KIF26B: variants seen among roughly 807,000 people sequenced by gnomAD.
KIF26B encodes kinesin family member 26B.
Under a neutral mutation model 151.2 loss-of-function variants are expected in KIF26B, and 63 were observed. The observed-to-expected ratio is 0.42, with a 90% CI of 0.34 to 0.51. The LOEUF is 0.51. Ranked by LOEUF, KIF26B falls within the 20% of genes least tolerant of loss-of-function variation. KIF26B has a pLI of 0.07. For missense variants in KIF26B, 2,813 were observed against 2,913.6 expected, an observed-to-expected ratio of 0.97 and a Z score of 0.79; for synonymous variants, 1,357 against 1,262.1, an observed-to-expected ratio of 1.08 and a Z score of -1.59.
intron 2 of KIF26B, among the ~76,000 whole-genome samples, chr1:245,198,628 A>G (rs1369180090): frequency 1.3e-5 from 2 of 151,918 alleles, no homozygotes; most frequent in Non-Finnish European, 2.9e-5. Flanking sequence ...AGGCTGAGGC[A>G]GGAGAATCGC....
intron 3 of KIF26B, among the ~76,000 whole-genome samples, chr1:245,377,793 A>T (rs1456860070): frequency 6.6e-6 from 1 of 152,050 alleles, no homozygotes; most frequent in Non-Finnish European, 1.5e-5. Flanking sequence ...ATTCTCATTC[A>T]TGTTCTTTGC....
At chr1:245,652,147 A>T (rs10924278) in intron 10 of KIF26B, among the ~76,000 whole-genome samples, 1,632 of 94,170 alleles carry the variant, frequency 0.017, 8 homozygotes, top group African/African-American at 0.036. Context: ...TGTGTGTGTG[A>T]GAGAGACATA....
At chr1:245,369,452 T>C (rs992296007) in intron 3 of KIF26B, among the ~76,000 whole-genome samples, 2 of 152,218 alleles carry the variant, frequency 1.3e-5, no homozygotes, top group African/African-American at 4.8e-5. Context: ...GTGGGAAACG[T>C]TGATCATTAT....
chr1:245,678,778 G>A (rs1446228098), intron 10 of KIF26B, among the ~76,000 whole-genome samples: 3 of 151,930 alleles, frequency 2.0e-5, no homozygotes, highest in African/African-American at 2.4e-5. Flanking sequence ...CAGGGGAATC[G>A]CTTGAACCCA....
In KIF26B at chr1:245,488,597, C is replaced by T. The variant is rs972868287; in HGVS notation, c.1167-52170C>T. Among the ~76,000 whole-genome samples the T allele has an allele frequency of 1.3e-5, 2 of 152,158 alleles. No homozygotes were observed. The highest frequency in any genetic ancestry group is 2.1e-4 in the South Asian group (1 of 4,820). On this transcript the variant is annotated intron_variant, in intron 4 of 14. Transcript: ENST00000407071. This position sits in a 1 kb window ranked among gnomAD's most constrained non-coding sequence, Gnocchi z 4.6. The stretch of plus-strand genomic sequence containing the variant: ...TCCACATCCATCCCTGGAATTAGAT[C>T]GGAGCCACAGATGCTATCACTCCTC...
intron 3 of KIF26B, among the ~76,000 whole-genome samples, chr1:245,391,849 A>G (rs1486618424): frequency 6.6e-6 from 1 of 152,138 alleles, no homozygotes; most frequent in African/African-American, 2.4e-5. Flanking sequence ...TATGGTGACT[A>G]TCAATAGGTA....
intron 4 of KIF26B, among the ~76,000 whole-genome samples, chr1:245,464,783 C>T (rs763007649): frequency 1.5e-4 from 23 of 151,982 alleles, no homozygotes; most frequent in Admixed American, 4.6e-4. Context: ...GAAGTTGTGT[C>T]GTGGAGGGAC....
chr1:245,696,723 T>C (rs886150868), intron 12 of KIF26B, among the ~76,000 whole-genome samples: 2 of 152,220 alleles, frequency 1.3e-5, no homozygotes, highest in Non-Finnish European at 2.9e-5. Flanking sequence ...CCGTGGTCGA[T>C]GTTACTTAGT....
chr1:245,484,462 T>G (rs1226895107), intron 4 of KIF26B, among the ~76,000 whole-genome samples: 1 of 151,850 alleles, frequency 6.6e-6, no homozygotes, highest in Non-Finnish European at 1.5e-5. Flanking sequence ...CCCTGGACAC[T>G]GTAACTTCTC....
intron 5 of KIF26B, among the ~76,000 whole-genome samples, chr1:245,541,441 G>A (rs765774992): frequency 6.6e-6 from 1 of 152,238 alleles, no homozygotes; most frequent in Non-Finnish European, 1.5e-5. Flanking sequence ...CAACAAGTGC[G>A]ATTTCGAATT....
At chr1:245,550,733 G>T (rs1661862688) in intron 5 of KIF26B, among the ~76,000 whole-genome samples, 1 of 152,212 alleles carries the variant, frequency 6.6e-6, no homozygotes, top group Non-Finnish European at 1.5e-5. Flanking sequence ...GGATCAGGCA[G>T]TGTGGAACCA....
intron 5 of KIF26B, among the ~76,000 whole-genome samples, chr1:245,552,564 C>T (rs1261625594): frequency 6.6e-6 from 1 of 151,872 alleles, no homozygotes; most frequent in African/African-American, 2.4e-5. Flanking sequence ...TCCTTCCCAT[C>T]CGTATAAGGC....
intron 4 of KIF26B, among the ~76,000 whole-genome samples, chr1:245,487,274 T>A (rs1057185841): frequency 1.3e-5 from 2 of 152,176 alleles, no homozygotes; most frequent in African/African-American, 4.8e-5. Context: ...CATATGTATC[T>A]AAAAGAGAAA....
chr1:245,429,255 A>G (rs552318771), intron 4 of KIF26B, among the ~76,000 whole-genome samples: 2 of 152,330 alleles, frequency 1.3e-5, no homozygotes, highest in Admixed American at 1.3e-4. Context: ...TATAAAAAGG[A>G]TGGAGTTCTG....
chr1:245,312,262 A>C (rs1305491214), intron 2 of KIF26B, among the ~76,000 whole-genome samples: 1 of 152,200 alleles, frequency 6.6e-6, no homozygotes. Flanking sequence ...CTAAGGATGC[A>C]ACTGATGGCC....
chr1:245,574,763 A>G (rs1365854677), intron 5 of KIF26B, among the ~76,000 whole-genome samples: 1 of 151,908 alleles, frequency 6.6e-6, no homozygotes, highest in African/African-American at 2.4e-5. Flanking sequence ...TGCCCCAAGT[A>G]TGCCCTGCAC....
chr1:245,443,450 T>C (rs1322154143), intron 4 of KIF26B, among the ~76,000 whole-genome samples: 1 of 108,712 alleles, frequency 9.2e-6, no homozygotes, highest in Non-Finnish European at 1.9e-5. Flanking sequence ...TCTCCCTCAC[T>C]GTTCACCTAG....
intron 2 of KIF26B, among the ~76,000 whole-genome samples, chr1:245,354,654 G>A (rs150593987): frequency 0.02 from 2,994 of 152,300 alleles, 50 homozygotes; most frequent in Middle Eastern, 0.031. Context: ...CTTGGGCGTG[G>A]CCATACACAG....
intron 4 of KIF26B, among the ~76,000 whole-genome samples, chr1:245,538,164 T>C (rs112720969): frequency 2.0e-4 from 31 of 152,216 alleles, no homozygotes; most frequent in African/African-American, 7.2e-4. Flanking sequence ...ATCATGGTGG[T>C]CATTGGGAAC....
Sources: gnomAD v4.1 joint callset for allele counts (sites outside exome capture counted in the v4.1 genomes callset) on GRCh38, gnomAD v4.1.1 for gene constraint, Gnocchi (gnomAD v3.1) non-coding constraint, MANE v1.5 for transcripts, NCBI Gene and HGNC (gene_info 2026-07-23, HGNC 2026-07-21) for gene names.